The following PTPN18 variants were observed in gnomAD, a reference collection of about 807,000 sequenced individuals.
PTPN18 encodes the protein protein tyrosine phosphatase non-receptor type 18.
In PTPN18, 65 loss-of-function variants were observed where a neutral mutation model predicts 65.4. That is an observed-to-expected ratio of 0.99 (90% confidence interval 0.81 to 1.22). The LOEUF (loss-of-function observed/expected upper bound fraction) is 1.22. Among genes scored for constraint, PTPN18 ranks in the 50% most tolerant of loss-of-function variants. The pLI is 0.00. For synonymous variants in PTPN18, 255 were observed against 267.8 expected (o/e 0.95, Z 0.47); for missense variants, 616 against 646.5 (o/e 0.95, Z 0.51).
intron 5 of PTPN18, among the ~76,000 whole-genome samples, chr2:130,361,417 C>G (rs905528644): frequency 6.6e-6 from 1 of 151,740 alleles, no homozygotes; most frequent in Admixed American, 6.6e-5. Flanking sequence ...TGATTGGATC[C>G]CTTTCTAATA....
intron 5 of PTPN18, 35 bp from the exon 6 acceptor site, chr2:130,369,098 C>G: frequency 6.4e-7 from 1 of 1,573,772 alleles, no homozygotes; most frequent in Non-Finnish European, 8.7e-7. Context: ...ACTCCCTCTT[C>G]TCACTCCCTG....
rs753196422 is a variant in PTPN18, at chr2:130,359,470, T to A, written c.353T>A (p.Leu118Gln). 3.1e-6 allele frequency: 5 copies of A among 1,614,156 alleles called. No homozygotes were observed. The East Asian group carries it at 1.1e-4, about 36-fold the overall frequency. The part of the protein sequence containing the change: ...LPHTLLDFWR[L>Q]VWEFGVKVIL... The stretch of plus-strand genomic sequence containing the variant: ...CACACCCTGCTAGACTTCTGGAGAC[T>A]GGTCTGGGAGTTTGGGGTCAAGGTC... The change falls in exon 4 of 15, where the codon CTG becomes CAG. Residue 118 changes from leucine (L) to glutamine (Q), a missense_variant. Coordinates refer to ENST00000175756, the MANE Select transcript of PTPN18 (RefSeq NM_014369.4).
In PTPN18 at chr2:130,372,275, G is replaced by C. The variant is rs1376522546; in HGVS notation, c.1032G>C (p.Gly344=). 6.4e-7 allele frequency: 1 copy of C among 1,568,404 alleles called. No homozygotes were observed. Among genetic ancestry groups the C allele is most frequent in the Admixed American group, 1.8e-5 (1 of 56,556 alleles). ...CCTGCAGGAGCATCTCTGTGCCCGGGTCCCCGGGCCACGCCATGGCTGACA... is the reference window on the plus strand; with the variant it reads ...CCTGCAGGAGCATCTCTGTGCCCGGCTCCCCGGGCCACGCCATGGCTGACA... The part of the protein sequence containing the change: ...GGVLRSISVP[G]SPGHAMADTY... Residue 344 remains glycine (G), a synonymous_variant, in exon 13 of 15, where the codon GGG becomes GGC. Transcript: ENST00000175756.
At chr2:130,362,347 T>C (rs904626587) in intron 5 of PTPN18, 1 of 304,632 alleles carries the variant, frequency 3.3e-6, no homozygotes, top group African/African-American at 2.3e-5. Flanking sequence ...TTATCAATAA[T>C]GTTGGGTTTA....
At chr2:130,358,812 C>A in intron 1 of PTPN18, 55 bp from the exon 2 acceptor site, 1 of 1,489,298 alleles carries the variant, frequency 6.7e-7, no homozygotes, top group Non-Finnish European at 9.3e-7. Flanking sequence ...GGGACTCTGA[C>A]CTGGCTCCTC....
chr2:130,359,144 C>G, intron 2 of PTPN18, 89 bp from the exon 3 acceptor site: 1 of 1,532,940 alleles, frequency 6.5e-7, no homozygotes, highest in Non-Finnish European at 9.0e-7. Context: ...TGTGTGTGGT[C>G]CCCTGCTGGC....
chr2:130,359,765 C>T, intron 5 of PTPN18, 119 bp downstream of exon 5: 1 of 1,224,572 alleles, frequency 8.2e-7, no homozygotes, highest in East Asian at 2.5e-5. Context: ...CTTATTGTAG[C>T]TCTGTGGGAA....
At chr2:130,366,439 A>T (rs1680383595) in intron 5 of PTPN18, among the ~76,000 whole-genome samples, 1 of 152,174 alleles carries the variant, frequency 6.6e-6, no homozygotes, top group African/African-American at 2.4e-5. Context: ...ATTGACTTTC[A>T]TATGTTGAAC....
Position 130,356,058 on chromosome 2 carries a change from A to T in PTPN18, c.-50A>T. ...GGCCTCCGCCTCCCGCGGCGTCCAC[A>T]CTCGCCGCGCGCGCGGCGGCCGGGC... On this transcript the variant is annotated 5_prime_UTR_variant, in exon 1 of 15. Transcript: ENST00000175756. 1 of 1,130,258 alleles carries T rather than the reference A, an allele frequency of 8.8e-7. No individual in the cohort carries two copies. The highest frequency in any genetic ancestry group is 1.1e-6 in the Non-Finnish European group (1 of 898,710). The allele number at this position is 1,130,258 out of a possible 1,614,324, so 70.0% of individuals were successfully genotyped here. A position where few individuals can be genotyped will look rare whatever the true frequency, so the allele number is the denominator to read the frequency against.
At chr2:130,371,442 C>G (rs1431118587) in intron 12 of PTPN18, 155 bp downstream of exon 12, 1 of 648,450 alleles carries the variant, frequency 1.5e-6, no homozygotes, top group Non-Finnish European at 2.6e-6. Flanking sequence ...CAAGATGATT[C>G]AATTATCCCA....
chr2:130,369,404 G>A (rs1264295375), intron 6 of PTPN18, among the ~76,000 whole-genome samples: 2 of 152,206 alleles, frequency 1.3e-5, no homozygotes, highest in Non-Finnish European at 2.9e-5. Context: ...TCATGTAAAT[G>A]TGCCTGGTTA....
intron 3 of PTPN18, 26 bp downstream of exon 3, chr2:130,359,335 G>A (rs745504915): frequency 2.5e-6 from 4 of 1,614,156 alleles, no homozygotes; most frequent in Non-Finnish European, 3.4e-6. Context: ...ACGGAAGGAG[G>A]TGGACTGGGA....
chr2:130,368,913 T>C, intron 5 of PTPN18: 2 of 472,488 alleles, frequency 4.2e-6, no homozygotes, highest in South Asian at 6.6e-5. Flanking sequence ...TGGGAGGGTA[T>C]CCTGGACTGT....
At position 130,369,345 on chromosome 2, in the gene PTPN18, T is replaced by C. The variant is rs982592016; in HGVS notation, c.483+144T>C. 35 of 742,814 alleles carry C rather than the reference T, an allele frequency of 4.7e-5. 1 individual carries two copies. The Admixed American group carries it at 9.1e-4, about 19-fold the overall frequency. 46.0% of individuals were successfully genotyped at this position (742,814 alleles called of 1,614,324 possible). On this transcript the variant is annotated intron_variant, in intron 6 of 14. Coordinates refer to ENST00000175756, the MANE Select transcript of PTPN18 (RefSeq NM_014369.4). ...GCCTGCAAATAGTTAGAACTTACTATAGGGATAGCCTTTGCATTTTTATTT... is the reference window on the plus strand; with the variant it reads ...GCCTGCAAATAGTTAGAACTTACTACAGGGATAGCCTTTGCATTTTTATTT...
In PTPN18 at chr2:130,366,414, A is replaced by G. The variant is rs187090835; in HGVS notation, c.415-2719A>G. On this transcript the variant is annotated intron_variant, in intron 5 of 14. Coordinates refer to ENST00000175756, the MANE Select transcript of PTPN18 (RefSeq NM_014369.4). ...ATGATCGTGTGTTTTGTATTCTACT[A>G]ATATGGTGTATGACATTGACTTTCA... is the stretch of plus-strand genomic sequence containing the variant. Among the ~76,000 whole-genome samples, 4 of 152,344 alleles carry G rather than the reference A, an allele frequency of 2.6e-5. No homozygotes were observed. In the East Asian group the frequency reaches 7.7e-4, roughly 29 times the overall value.
At chr2:130,371,062 C>A (rs779702313) in intron 11 of PTPN18, 98 bp downstream of exon 11, 97 of 1,405,944 alleles carry the variant, frequency 6.9e-5, no homozygotes, top group Non-Finnish European at 9.0e-5. Flanking sequence ...TGGGAGCAGG[C>A]ACTGACTATG....
rs1294342329 is a variant in PTPN18, at chr2:130,356,714, C to T, written c.93+514C>T. 5.9e-5 allele frequency: 26 copies of T among 439,670 alleles called. No homozygotes were observed. The Admixed American group carries it at 6.3e-4, about 11-fold the overall frequency. 27.2% of individuals were successfully genotyped at this position (439,670 alleles called of 1,614,324 possible). Reference sequence around the variant, plus strand: ...CCGAATCCGCTTCCCGTCCCGAATCCGCGTCCCGGCCATCCGCGTGTGGTC... The same window carrying T: ...CCGAATCCGCTTCCCGTCCCGAATCTGCGTCCCGGCCATCCGCGTGTGGTC... On this transcript the variant is annotated intron_variant, in intron 1 of 14. Coordinates refer to ENST00000175756, the MANE Select transcript of PTPN18 (RefSeq NM_014369.4).
At chr2:130,363,721 G>A (rs1039931614) in intron 5 of PTPN18, among the ~76,000 whole-genome samples, 3 of 151,930 alleles carry the variant, frequency 2.0e-5, no homozygotes, top group African/African-American at 7.3e-5. Flanking sequence ...CTACTTTTTG[G>A]CTATTATGAA....
Position 130,373,757 on chromosome 2 carries a change from A to G in PTPN18, c.*533A>G, listed in dbSNP as rs1366997871. ...GACAGACAGCCAAAGCTTCAGAGAT[A>G]CAGTCCACAGGTGGACAAAGGGATC... On this transcript the variant is annotated 3_prime_UTR_variant, in exon 15 of 15. Coordinates refer to ENST00000175756, the MANE Select transcript of PTPN18 (RefSeq NM_014369.4). The surrounding 1 kb of genome is among the most constrained non-coding windows in gnomAD (Gnocchi z 4.1). 1 of 153,170 alleles carries G rather than the reference A, an allele frequency of 6.5e-6. No homozygotes were observed. The highest frequency in any genetic ancestry group is 1.9e-4 in the East Asian group (1 of 5,202). 9.5% of individuals were successfully genotyped at this position (153,170 alleles called of 1,614,324 possible). A position where few individuals can be genotyped will look rare whatever the true frequency, so the allele number is the denominator to read the frequency against.
Sources: allele counts gnomAD v4.1 joint callset (sites outside exome capture counted in the v4.1 genomes callset), GRCh38; gene constraint gnomAD v4.1.1; non-coding constraint Gnocchi (gnomAD v3.1); transcripts MANE v1.5; gene names NCBI Gene and HGNC (gene_info 2026-07-23, HGNC 2026-07-21).